The following ARHGEF28 variants were observed in gnomAD, a reference collection of about 807,000 sequenced individuals.
ARHGEF28 encodes 190 kDa guanine nucleotide exchange factor.
ARHGEF28 carries 152 observed loss-of-function variants against 206.6 expected under a neutral mutation model. The observed-to-expected ratio is 0.74, with a 90% CI of 0.64 to 0.84. ARHGEF28 has a LOEUF of 0.84. Ranked by LOEUF, ARHGEF28 falls within the 40% of genes least tolerant of loss-of-function variation. The pLI is 0.00. For missense variants in ARHGEF28, 2,028 were observed against 2,073.2 expected (o/e 0.98, Z 0.42); for synonymous variants, 763 against 776.4 (o/e 0.98, Z 0.29).
chr5:73,631,914 C>G (rs1677728313), intron 1 of ARHGEF28, among the ~76,000 whole-genome samples: 2 of 152,140 alleles, frequency 1.3e-5, no homozygotes, highest in Non-Finnish European at 2.9e-5. Context: ...GCTGCTTTCC[C>G]TTTTGAACTC....
At chr5:73,840,408 A>C (rs761493429) in intron 10 of ARHGEF28, 72 bp from the exon 11 acceptor site, 87 of 1,499,326 alleles carry the variant, frequency 5.8e-5, no homozygotes, top group Non-Finnish European at 7.5e-5. Context: ...AAATTGGGAA[A>C]ATTTTATTAA....
rs910633910 is a variant in ARHGEF28 at position 73,941,894 on chromosome 5, A to C, written c.*881A>C. 2 of 152,160 alleles carry C rather than the reference A, an allele frequency of 1.3e-5. No homozygotes were observed. Among genetic ancestry groups the C allele is most frequent in the Admixed American group, 6.5e-5 (1 of 15,274 alleles). The allele number at this position is 152,160 out of a possible 1,614,324, so 9.4% of individuals were successfully genotyped here. A position where few individuals can be genotyped will look rare whatever the true frequency, so the allele number is the denominator to read the frequency against. On this transcript the variant is annotated 3_prime_UTR_variant, in exon 36 of 36. Transcript: ENST00000513042. The stretch of plus-strand genomic sequence containing the variant: ...GAAAACTGGCATATCCTGCCTTCCG[A>C]GTAGTATGGGTCTCTGTGTGAGAAA...
intron 14 of ARHGEF28, among the ~76,000 whole-genome samples, chr5:73,855,425 C>A (rs1427819205): frequency 3.3e-5 from 5 of 152,130 alleles, no homozygotes; most frequent in Middle Eastern, 6.3e-3. Context: ...GTCTTATCAA[C>A]CTCAGCTTAA....
chr5:73,739,740 G>A (rs1352700459), intron 2 of ARHGEF28, among the ~76,000 whole-genome samples: 1 of 151,348 alleles, frequency 6.6e-6, no homozygotes, highest in Admixed American at 6.6e-5. Context: ...GTGCCCAGGA[G>A]GCCATGATTG....
intron 35 of ARHGEF28, among the ~76,000 whole-genome samples, chr5:73,927,021 A>T (rs1326390491): frequency 2.0e-5 from 3 of 152,130 alleles, no homozygotes; most frequent in Non-Finnish European, 4.4e-5. Flanking sequence ...AGGAGGCTTT[A>T]GTACAAACTT....
At chr5:73,888,117 G>T (rs1036853259) in intron 26 of ARHGEF28, among the ~76,000 whole-genome samples, 12 of 152,086 alleles carry the variant, frequency 7.9e-5, no homozygotes, top group African/African-American at 2.9e-4. Context: ...ATCTCTTCCA[G>T]CACCTGGCTT....
intron 26 of ARHGEF28, among the ~76,000 whole-genome samples, chr5:73,887,969 G>T (rs1761403362): frequency 2.0e-5 from 3 of 152,228 alleles, no homozygotes. Context: ...AACAGGCATT[G>T]CCCTGAGCCT....
chr5:73,732,417 T>C (rs1367807843), intron 2 of ARHGEF28, among the ~76,000 whole-genome samples: 1 of 152,188 alleles, frequency 6.6e-6, no homozygotes, highest in Non-Finnish European at 1.5e-5. Flanking sequence ...TTCTTTTTAA[T>C]GCTGAATGCT....
chr5:73,842,069 C>T (rs1221396218), intron 11 of ARHGEF28, among the ~76,000 whole-genome samples: 1 of 151,996 alleles, frequency 6.6e-6, no homozygotes, highest in African/African-American at 2.4e-5. Flanking sequence ...CATGTGTGTC[C>T]ATATCTGTAT....
intron 2 of ARHGEF28, among the ~76,000 whole-genome samples, chr5:73,744,607 C>G (rs946317788): frequency 6.6e-6 from 1 of 151,646 alleles, no homozygotes; most frequent in African/African-American, 2.4e-5. Flanking sequence ...TTTGATAGTT[C>G]ACTTAGCACT....
intron 2 of ARHGEF28, among the ~76,000 whole-genome samples, chr5:73,710,650 T>C (rs993163426): frequency 1.3e-5 from 2 of 152,216 alleles, no homozygotes; most frequent in African/African-American, 4.8e-5. Flanking sequence ...TAAAAAAATG[T>C]TTTCTTTTAG....
chr5:73,795,378 C>G lies in ARHGEF28; in HGVS notation c.1011C>G (p.His337Gln), dbSNP rs181157014. The change falls in exon 9 of 36, where the codon CAC (histidine) becomes CAG (glutamine). Residue 337 changes from histidine to glutamine, a missense_variant. Transcript: ENST00000513042. ...AACACAATGAACATGAAGACCAGCA[C>G]AGCCTAGATTTGGGTATGAAATAAC... is the stretch of plus-strand genomic sequence containing the variant. ...VVQHNEHEDQHSLDLDRSFDI... is the reference protein window; with the variant it reads ...VVQHNEHEDQQSLDLDRSFDI... The G allele has an allele frequency of 2.5e-4, 406 of 1,613,618 alleles. 1 individual carries two copies. The African/African-American group carries it at 4.4e-3, about 18-fold the overall frequency.
At chr5:73,707,033 G>A (rs974396178) in intron 2 of ARHGEF28, among the ~76,000 whole-genome samples, 1 of 152,142 alleles carries the variant, frequency 6.6e-6, no homozygotes, top group African/African-American at 2.4e-5. Context: ...TGGGATCCTG[G>A]CCTGGTCACT....
At chr5:73,641,876 T>C (rs1227637647) in intron 1 of ARHGEF28, among the ~76,000 whole-genome samples, 1 of 152,224 alleles carries the variant, frequency 6.6e-6, no homozygotes, top group Non-Finnish European at 1.5e-5. Context: ...CATTTATCGA[T>C]TGCTTTTCCT....
intron 18 of ARHGEF28, 24 bp downstream of exon 18, chr5:73,866,037 G>T (rs1334208336): frequency 1.9e-6 from 3 of 1,568,098 alleles, no homozygotes; most frequent in East Asian, 4.5e-5. Context: ...AAAACGACAA[G>T]AACTTTTAAA....
At chr5:73,800,835 A>G (rs1339153135) in intron 9 of ARHGEF28, among the ~76,000 whole-genome samples, 1 of 152,170 alleles carries the variant, frequency 6.6e-6, no homozygotes, top group Non-Finnish European at 1.5e-5. Context: ...ACATTGGGAA[A>G]AGGGAACTGG....
intron 35 of ARHGEF28, among the ~76,000 whole-genome samples, chr5:73,939,820 A>T (rs1332573426): frequency 2.0e-5 from 3 of 152,230 alleles, no homozygotes; most frequent in Admixed American, 6.5e-5. Context: ...TATCCATCTA[A>T]ATAATAGAGG....
At chr5:73,810,373 G>A (rs142156423) in intron 9 of ARHGEF28, among the ~76,000 whole-genome samples, 135 of 152,288 alleles carry the variant, frequency 8.9e-4, no homozygotes, top group Middle Eastern at 3.4e-3. Flanking sequence ...TATGTAACTG[G>A]TCAACAAGGA....
At position 73,669,067 on chromosome 5, in the gene ARHGEF28, A is replaced by G. The variant is rs575294911; in HGVS notation, c.-11-15774A>G. 7.2e-5 allele frequency among the ~76,000 whole-genome samples: 11 copies of G among 152,312 alleles called. 1 individual carries two copies. Among genetic ancestry groups the G allele is most frequent in the African/African-American group, 2.4e-4 (10 of 41,566 alleles). ...TTTAGCAATTTCTTTGTATTTGCCC[A>G]TAAGTGGCATATCCTACCTTGTTCA... On this transcript the variant is annotated intron_variant, in intron 1 of 35. Coordinates refer to ENST00000513042, the MANE Select transcript of ARHGEF28 (RefSeq NM_001177693.2).
Sources: allele counts gnomAD v4.1 joint callset (sites outside exome capture counted in the v4.1 genomes callset), GRCh38; gene constraint gnomAD v4.1.1; transcripts MANE v1.5; gene names NCBI Gene and HGNC (gene_info 2026-07-23, HGNC 2026-07-21).